Variants in PARM1 observed in about 807,000 individuals in gnomAD.
PARM1 encodes the protein WSC4, cell wall integrity and stress response component 4 homolog.
In PARM1, 14 loss-of-function variants were observed where a neutral mutation model predicts 24.6. The observed-to-expected ratio is 0.57, with a 90% CI of 0.38 to 0.89. The LOEUF is 0.89. Among genes scored for constraint, PARM1 ranks in the 40% least tolerant of loss-of-function variants. PARM1 has a pLI of 0.00. For synonymous variants in PARM1, 179 were observed against 156.6 expected (o/e 1.14, Z -1.07); for missense variants, 362 against 380.4 (o/e 0.95, Z 0.40).
intron 1 of PARM1, among the ~76,000 whole-genome samples, chr4:74,945,122 A>G (rs948441161): frequency 6.6e-6 from 1 of 152,230 alleles, no homozygotes; most frequent in East Asian, 1.9e-4. Flanking sequence ...TTGACATAAT[A>G]TATTGTAACT....
intron 1 of PARM1, chr4:74,956,159 A>G (rs1449953869): frequency 1.3e-5 from 2 of 152,232 alleles, no homozygotes; most frequent in Non-Finnish European, 2.9e-5. Context: ...AGAGATGACA[A>G]AAGTCAAAAC....
chr4:74,934,016 G>T (rs1254440946), intron 1 of PARM1, among the ~76,000 whole-genome samples: 1 of 152,108 alleles, frequency 6.6e-6, no homozygotes, highest in Admixed American at 6.5e-5. Flanking sequence ...TCCCATAGAA[G>T]AAACTATTAA....
intron 3 of PARM1, among the ~76,000 whole-genome samples, chr4:75,035,354 C>T (rs540613052): frequency 2.6e-5 from 4 of 152,252 alleles, no homozygotes; most frequent in East Asian, 3.9e-4. Flanking sequence ...GGGACCAAGA[C>T]GGTGCTTGAT....
chr4:75,009,994 A>G (rs1722842078), intron 1 of PARM1, among the ~76,000 whole-genome samples: 1 of 152,236 alleles, frequency 6.6e-6, no homozygotes, highest in Non-Finnish European at 1.5e-5. Context: ...CATTAATTCC[A>G]CTTCTGGGAA....
At chr4:74,970,570 A>G (rs1428958742) in intron 1 of PARM1, among the ~76,000 whole-genome samples, 1 of 152,234 alleles carries the variant, frequency 6.6e-6, no homozygotes, top group Non-Finnish European at 1.5e-5. Context: ...GTCTAGATTG[A>G]GTAAAACATC....
chr4:74,977,058 A>G (rs865872109), intron 1 of PARM1, among the ~76,000 whole-genome samples: 3 of 152,314 alleles, frequency 2.0e-5, no homozygotes, highest in Middle Eastern at 3.4e-3. Context: ...TTCTCCTCCA[A>G]ATTATTGCAA....
chr4:75,005,261 A>G (rs1256379929), intron 1 of PARM1, among the ~76,000 whole-genome samples: 2 of 152,324 alleles, frequency 1.3e-5, no homozygotes, highest in Non-Finnish European at 2.9e-5. Flanking sequence ...AAAGGGCTTG[A>G]CTGCATTTTG....
intron 1 of PARM1, among the ~76,000 whole-genome samples, chr4:74,981,222 G>T (rs2109772358): frequency 6.6e-6 from 1 of 152,184 alleles, no homozygotes; most frequent in Non-Finnish European, 1.5e-5. Flanking sequence ...ATCTGACAAA[G>T]GTCTAATATC....
intron 1 of PARM1, among the ~76,000 whole-genome samples, chr4:74,982,550 C>A (rs1199970005): frequency 6.6e-6 from 1 of 152,130 alleles, no homozygotes; most frequent in East Asian, 1.9e-4. Flanking sequence ...TTTTTAGTAG[C>A]AACTTCCTCT....
chr4:74,940,171 T>C (rs1235908916), intron 1 of PARM1, among the ~76,000 whole-genome samples: 1 of 152,226 alleles, frequency 6.6e-6, no homozygotes, highest in African/African-American at 2.4e-5. Context: ...CCTTTTATGT[T>C]GTGATATTTT....
chr4:74,933,497 G>A lies in PARM1; in HGVS notation c.43+127G>A. On this transcript the variant is annotated intron_variant, in intron 1 of 3. Transcript: ENST00000307428. ...CGCGCCTCCGGGTGAGTGCGCAGGT[G>A]TGTGCGCACTTAGATTTGGGGTGAC... The A allele has an allele frequency of 7.8e-6, 6 of 765,870 alleles. 1 individual carries two copies. The South Asian group carries it at 9.3e-5, about 12-fold the overall frequency. The allele number at this position is 765,870 out of a possible 1,614,324, so 47.4% of individuals were successfully genotyped here.
intron 1 of PARM1, among the ~76,000 whole-genome samples, chr4:74,986,422 T>C (rs1722356736): frequency 6.6e-6 from 1 of 152,190 alleles, no homozygotes; most frequent in Non-Finnish European, 1.5e-5. Flanking sequence ...TCCCATCAAT[T>C]AAATGAAGTC....
In PARM1 at chr4:74,964,553, G is replaced by GCACACACACACA. The variant is rs35380033; in HGVS notation, c.43+31198_43+31209dup. 2.1e-3 allele frequency among the ~76,000 whole-genome samples: 299 copies of GCACACACACACA among 143,386 alleles called. 2 individuals are homozygous for GCACACACACACA. The highest frequency in any genetic ancestry group is 5.6e-3 in the African/African-American group (204 of 36,264). 94.1% of individuals were successfully genotyped at this position (143,386 alleles called of 152,430 possible). ...ATCAACTCCTTCCACACCTGGCAAA[G>GCACACACACACA]CACACACACACACACACACACACAC... On this transcript the variant is annotated intron_variant, in intron 1 of 3. Transcript: ENST00000307428.
chr4:74,942,494 C>A (rs770503827), intron 1 of PARM1, among the ~76,000 whole-genome samples: 3 of 152,218 alleles, frequency 2.0e-5, no homozygotes, highest in Non-Finnish European at 2.9e-5. Context: ...AGACTTTCTT[C>A]CCCTAGGGGG....
At chr4:74,933,927 G>A (rs141186849) in intron 1 of PARM1, among the ~76,000 whole-genome samples, 42 of 152,294 alleles carry the variant, frequency 2.8e-4, no homozygotes, top group African/African-American at 7.5e-4. Context: ...TAACAGCAGC[G>A]GCCCGGCCTT....
chr4:74,933,708 C>A (rs1426267960), intron 1 of PARM1, among the ~76,000 whole-genome samples: 1 of 152,180 alleles, frequency 6.6e-6, no homozygotes, highest in African/African-American at 2.4e-5. Flanking sequence ...GGTTTCGGAG[C>A]GCACTCTGCC....
intron 1 of PARM1, among the ~76,000 whole-genome samples, chr4:74,939,598 T>G (rs1721261005): frequency 6.6e-6 from 1 of 152,148 alleles, no homozygotes; most frequent in South Asian, 2.1e-4. Context: ...TTGAGAAATC[T>G]CACAAATATT....
At chr4:74,960,853 A>C (rs1166564098) in intron 1 of PARM1, among the ~76,000 whole-genome samples, 4 of 104,746 alleles carry the variant, frequency 3.8e-5, no homozygotes, top group Non-Finnish European at 7.9e-5. Context: ...CTAAAAATAC[A>C]AAAAAAAAAA....
chr4:74,937,902 T>C (rs4859887), intron 1 of PARM1, among the ~76,000 whole-genome samples: 147,853 of 152,304 alleles, frequency 0.97, 71,907 homozygotes, highest in East Asian at 1. Context: ...TCAGATTTAG[T>C]GCAAGAGTCC....
Sources: allele counts gnomAD v4.1 joint callset (sites outside exome capture counted in the v4.1 genomes callset), GRCh38; gene constraint gnomAD v4.1.1; transcripts MANE v1.5; gene names NCBI Gene and HGNC (gene_info 2026-07-23, HGNC 2026-07-21).